Variants in CNMD observed in about 807,000 individuals in gnomAD.
The protein encoded by CNMD is leukocyte cell-derived chemotaxin 1.
Under a neutral mutation model 37.5 loss-of-function variants are expected in CNMD, and 30 were observed. The ratio of observed to expected loss-of-function variants is 0.80; its 90% CI spans 0.60 to 1.09. CNMD has a LOEUF of 1.09. Among genes scored for constraint, CNMD ranks in the 50% least tolerant of loss-of-function variants. CNMD has a pLI of 0.00. For synonymous variants in CNMD, 167 were observed against 148.2 expected (o/e 1.13, Z -0.92); for missense variants, 398 against 423.9 (o/e 0.94, Z 0.54).
intron 5 of CNMD, among the ~76,000 whole-genome samples, chr13:52,710,819 T>C (rs1200407815): frequency 6.6e-6 from 1 of 152,198 alleles, no homozygotes; most frequent in African/African-American, 2.4e-5. Context: ...ATTGAATACT[T>C]AAAATGTGGT....
intron 4 of CNMD, among the ~76,000 whole-genome samples, chr13:52,721,082 C>T (rs892324425): frequency 7.2e-5 from 11 of 152,268 alleles, no homozygotes; most frequent in South Asian, 4.1e-4. Flanking sequence ...GACTTCCTGG[C>T]GGCTTTGTTT....
At chr13:52,722,128 A>G (rs1964494834) in intron 4 of CNMD, among the ~76,000 whole-genome samples, 1 of 152,130 alleles carries the variant, frequency 6.6e-6, no homozygotes, top group East Asian at 1.9e-4. Flanking sequence ...ACAGCTCATA[A>G]GGAACCAGCT....
chr13:52,714,337 A>C (rs2138233223), intron 4 of CNMD, among the ~76,000 whole-genome samples: 1 of 152,158 alleles, frequency 6.6e-6, no homozygotes, highest in Non-Finnish European at 1.5e-5. Context: ...GATTTGTGTA[A>C]GTTACTCTAA....
In CNMD at chr13:52,739,220, C is replaced by G; in HGVS notation, c.73-49G>C. 7.0e-7 allele frequency: 1 copy of G among 1,430,686 alleles called. No individual in the cohort carries two copies. Among genetic ancestry groups the G allele is most frequent in the African/African-American group, 1.5e-5 (1 of 67,010 alleles). 88.6% of individuals were successfully genotyped at this position (1,430,686 alleles called of 1,614,324 possible). A position where few individuals can be genotyped will look rare whatever the true frequency, so the allele number is the denominator to read the frequency against. On this transcript the variant is annotated intron_variant, in intron 1 of 6. Coordinates refer to ENST00000377962, the MANE Select transcript of CNMD (RefSeq NM_007015.3). The surrounding 1 kb of genome is among the most constrained non-coding windows in gnomAD (Gnocchi z 5.4). Reference sequence around the variant, plus strand: ...ACCGTCGCGTTTGTGCCGCCAGCACCTGCGGCCCCCAGCGCACCCGGGCCC... The same window carrying G: ...ACCGTCGCGTTTGTGCCGCCAGCACGTGCGGCCCCCAGCGCACCCGGGCCC...
At chr13:52,712,608 G>C in intron 5 of CNMD, 108 bp downstream of exon 5, 1 of 644,142 alleles carries the variant, frequency 1.6e-6, no homozygotes, top group South Asian at 4.6e-5. Flanking sequence ...CATGCATCCT[G>C]ATTTATCCTC....
At position 52,739,421 on chromosome 13, in the gene CNMD, C is replaced by A; in HGVS notation, c.72+209G>T. The A allele has an allele frequency of 1.5e-6, 1 of 666,660 alleles. No individual in the cohort carries two copies. Among genetic ancestry groups the A allele is most frequent in the African/African-American group, 1.8e-5 (1 of 54,764 alleles). 41.3% of individuals were successfully genotyped at this position (666,660 alleles called of 1,614,324 possible). ...CCCCAGGACCTGCACCCTCTACCGG[C>A]CACGGGACGTCCCTCCGCACCCGCC... On this transcript the variant is annotated intron_variant, in intron 1 of 6. Transcript: ENST00000377962. The surrounding 1 kb of genome is among the most constrained non-coding windows in gnomAD (Gnocchi z 5.4).
At chr13:52,716,482 G>A (rs1323807608) in intron 4 of CNMD, among the ~76,000 whole-genome samples, 1 of 152,138 alleles carries the variant, frequency 6.6e-6, no homozygotes, top group South Asian at 2.1e-4. Context: ...ATGATTTTAG[G>A]TCTTACATTT....
rs1964844881 is a variant in CNMD, at chr13:52,739,396, C to T, written c.73-225G>A. 5 of 669,374 alleles carry T rather than the reference C, an allele frequency of 7.5e-6. No homozygotes were observed. The highest frequency in any genetic ancestry group is 1.3e-5 in the Non-Finnish European group (5 of 398,400). The allele number at this position is 669,374 out of a possible 1,614,324, so 41.5% of individuals were successfully genotyped here. A position where few individuals can be genotyped will look rare whatever the true frequency, so the allele number is the denominator to read the frequency against. Reference sequence around the variant, plus strand: ...CAAACCCCGCAGCACAGGGCCTTCGCCCCAGGACCTGCACCCTCTACCGGC... The same window carrying T: ...CAAACCCCGCAGCACAGGGCCTTCGTCCCAGGACCTGCACCCTCTACCGGC... On this transcript the variant is annotated intron_variant, in intron 1 of 6. Coordinates refer to ENST00000377962, the MANE Select transcript of CNMD (RefSeq NM_007015.3). This position sits in a 1 kb window ranked among gnomAD's most constrained non-coding sequence, Gnocchi z 5.4.
chr13:52,726,315 T>C (rs752075710), intron 3 of CNMD, among the ~76,000 whole-genome samples: 13 of 152,126 alleles, frequency 8.5e-5, no homozygotes, highest in Non-Finnish European at 1.5e-4. Flanking sequence ...AAGAGAAAGG[T>C]GTTCAAGGTA....
intron 4 of CNMD, among the ~76,000 whole-genome samples, chr13:52,717,582 C>T (rs1032047084): frequency 1.3e-5 from 2 of 152,140 alleles, no homozygotes; most frequent in African/African-American, 4.8e-5. Flanking sequence ...AAGGCCTTTT[C>T]TGCCTCTATT....
chr13:52,731,393 A>G (rs1009036948), intron 3 of CNMD, among the ~76,000 whole-genome samples: 1 of 152,198 alleles, frequency 6.6e-6, no homozygotes, highest in African/African-American at 2.4e-5. Context: ...TTCAAAATAC[A>G]GGAGAAAGTA....
At position 52,739,565 on chromosome 13, in the gene CNMD, C is replaced by T; in HGVS notation, c.72+65G>A. Reference sequence around the variant, plus strand: ...ATTCGGTGGCACGCACCCCTGAGTCCGAACTGTGGAACCTGATACTCACAC... The same window carrying T: ...ATTCGGTGGCACGCACCCCTGAGTCTGAACTGTGGAACCTGATACTCACAC... On this transcript the variant is annotated intron_variant, in intron 1 of 6. Transcript: ENST00000377962. This position sits in a 1 kb window ranked among gnomAD's most constrained non-coding sequence, Gnocchi z 5.4. 6.9e-7 allele frequency: 1 copy of T among 1,448,932 alleles called. No individual in the cohort carries two copies. The highest frequency in any genetic ancestry group is 9.7e-7 in the Non-Finnish European group (1 of 1,031,070). 89.8% of individuals were successfully genotyped at this position (1,448,932 alleles called of 1,614,324 possible). A position where few individuals can be genotyped will look rare whatever the true frequency, so the allele number is the denominator to read the frequency against.
Position 52,703,391 on chromosome 13 carries a change from A to G in CNMD, c.*204T>C, listed in dbSNP as rs941337661. The stretch of plus-strand genomic sequence containing the variant: ...TAATAAAGGGGTTATGGCATTTTAG[A>G]CTTGAACTACCCTTTCAGTACATTT... On this transcript the variant is annotated 3_prime_UTR_variant, in exon 7 of 7. Coordinates refer to ENST00000377962, the MANE Select transcript of CNMD (RefSeq NM_007015.3). 2 of 478,534 alleles carry G rather than the reference A, an allele frequency of 4.2e-6. No homozygotes were observed. The allele number at this position is 478,534 out of a possible 1,614,324, so 29.6% of individuals were successfully genotyped here.
At chr13:52,737,370 A>C (rs1419105737) in intron 2 of CNMD, among the ~76,000 whole-genome samples, 1 of 152,216 alleles carries the variant, frequency 6.6e-6, no homozygotes, top group Non-Finnish European at 1.5e-5. Context: ...ATATAGCAAT[A>C]ATTTTGATTG....
intron 4 of CNMD, among the ~76,000 whole-genome samples, chr13:52,714,693 TC>T (rs1181846480): frequency 6.6e-6 from 1 of 152,152 alleles, no homozygotes; most frequent in Non-Finnish European, 1.5e-5. Context: ...TCCATTATAA[TC>T]TACATTTTAG....
Position 52,703,833 on chromosome 13 carries a change from T to C in CNMD, c.790-23A>G, listed in dbSNP as rs999067854. The C allele has an allele frequency of 2.5e-6, 4 of 1,590,414 alleles. No individual in the cohort carries two copies. The Admixed American group carries it at 6.7e-5, about 27-fold the overall frequency. ...CTGCTGTGAAATAAAAGATAATTAT[T>C]TGTGATAACTGCATAGTGGGAAGGT... On this transcript the variant is annotated intron_variant, in intron 6 of 6. Transcript: ENST00000377962.
rs1375935863 is a variant in CNMD, at chr13:52,708,062, AAAC to A, written c.789+471_789+473del. On this transcript the variant is annotated intron_variant, in intron 6 of 6. Coordinates refer to ENST00000377962, the MANE Select transcript of CNMD (RefSeq NM_007015.3). ...CCTGGGAGGCGATTCCCAGGCAGTG[AAAC>A]AACAACAAAAAAACAACTTTGCAAC... 3.9e-5 allele frequency among the ~76,000 whole-genome samples: 6 copies of A among 152,250 alleles called. No individual in the cohort carries two copies. In the East Asian group the frequency reaches 7.7e-4, roughly 20 times the overall value.
Position 52,703,681 on chromosome 13 carries a change from G to T in CNMD, c.919C>A (p.Pro307Thr). The change falls in exon 7 of 7, where the codon CCT becomes ACT. Residue 307 changes from proline to threonine, a missense_variant. Physicochemically the swap from Pro to Thr is conservative, Grantham distance 38. Coordinates refer to ENST00000377962, the MANE Select transcript of CNMD (RefSeq NM_007015.3). ...CEPLGGYYPWPYNYQGCRSAC... is the reference protein window; with the variant it reads ...CEPLGGYYPWTYNYQGCRSAC... ...GAACGGCAGCCTTGATAATTATAAG[G>T]CCATGGGTAATAGCCCCCCAGGGGT... 2 of 1,614,078 alleles carry T rather than the reference G, an allele frequency of 1.2e-6. No homozygotes were observed. The highest frequency in any genetic ancestry group is 2.2e-5 in the South Asian group (2 of 91,078).
At position 52,730,068 on chromosome 13, in the gene CNMD, C is replaced by T. The variant is rs1472965784; in HGVS notation, c.354+3151G>A. 4.6e-5 allele frequency among the ~76,000 whole-genome samples: 7 copies of T among 150,680 alleles called. No individual in the cohort carries two copies. In the South Asian group the frequency reaches 6.3e-4, roughly 14 times the overall value. On this transcript the variant is annotated intron_variant, in intron 3 of 6. Transcript: ENST00000377962. ...ATTCCCACCTATGAGTGAGAACATG[C>T]GGTGTTTGCTTTTTTGTCCTTGCGA...
Sources: allele counts gnomAD v4.1 joint callset (sites outside exome capture counted in the v4.1 genomes callset), GRCh38; gene constraint gnomAD v4.1.1; non-coding constraint Gnocchi (gnomAD v3.1); transcripts MANE v1.5; gene names NCBI Gene and HGNC (gene_info 2026-07-23, HGNC 2026-07-21).